The following UBE2E1 variants were observed in gnomAD, a reference collection of about 807,000 sequenced individuals.
UBE2E1 encodes ubiquitin conjugating enzyme E2 E1, also known as ubiquitin-conjugating enzyme E2 E1.
Under a neutral mutation model 21.4 loss-of-function variants are expected in UBE2E1, and 6 were observed. The observed-to-expected ratio is 0.28, with a 90% CI of 0.15 to 0.55. UBE2E1 has a LOEUF of 0.55. Among genes scored for constraint, UBE2E1 ranks in the 20% least tolerant of loss-of-function variants. The pLI, the probability that UBE2E1 is intolerant of heterozygous loss-of-function variation, is 0.93. For missense variants in UBE2E1, 142 were observed against 236.5 expected (o/e 0.60, Z 2.62); for synonymous variants, 87 against 82.7 (o/e 1.05, Z -0.28).
At chr3:23,866,284 T>C (rs17787217) in intron 3 of UBE2E1, 57,685 of 152,284 alleles carry the variant, frequency 0.38, 11,266 homozygotes, top group Middle Eastern at 0.51. Flanking sequence ...AACAAAGAAG[T>C]TGCAGAGGCC....
intron 3 of UBE2E1, chr3:23,879,388 T>C: frequency 3.7e-6 from 2 of 534,780 alleles, no homozygotes; most frequent in Admixed American, 4.2e-5. Context: ...GCAGCCTGTA[T>C]AAGACAGTTG....
At chr3:23,884,249 C>T (rs1701124932) in intron 3 of UBE2E1, among the ~76,000 whole-genome samples, 1 of 152,004 alleles carries the variant, frequency 6.6e-6, no homozygotes, top group Non-Finnish European at 1.5e-5. Context: ...AGATAGCAAT[C>T]TTAATTGGAT....
chr3:23,872,359 C>T (rs1455726990), intron 3 of UBE2E1, among the ~76,000 whole-genome samples: 1 of 142,352 alleles, frequency 7.0e-6, no homozygotes, highest in Non-Finnish European at 1.5e-5. Flanking sequence ...AGAGGGAGAC[C>T]GTGGAAAGAG....
chr3:23,817,589 AGT>A (rs1021154373), intron 3 of UBE2E1, among the ~76,000 whole-genome samples: 26 of 152,238 alleles, frequency 1.7e-4, no homozygotes, highest in African/African-American at 5.8e-4. Flanking sequence ...GTTTCAGAGG[AGT>A]GAGAGATTAC....
intron 3 of UBE2E1, among the ~76,000 whole-genome samples, chr3:23,819,577 CTT>C (rs1699602382): frequency 6.6e-6 from 1 of 152,148 alleles, no homozygotes; most frequent in African/African-American, 2.4e-5. Context: ...ATTATTATGT[CTT>C]TATATCCCTA....
chr3:23,852,691 C>A (rs541652272), intron 3 of UBE2E1, among the ~76,000 whole-genome samples: 5 of 152,126 alleles, frequency 3.3e-5, no homozygotes, highest in Non-Finnish European at 7.4e-5. Flanking sequence ...ACCTTCTGGG[C>A]TCAAGCGATC....
At chr3:23,822,847 CCCGCCA>C (rs1353798951) in intron 3 of UBE2E1, among the ~76,000 whole-genome samples, 1 of 144,744 alleles carries the variant, frequency 6.9e-6, no homozygotes, top group Non-Finnish European at 1.5e-5. Context: ...ACCCCCAACC[CCCGCCA>C]CCGCCCTTCC....
chr3:23,890,421 G>A (rs926301698), intron 5 of UBE2E1, 88 bp from the exon 6 acceptor site: 39 of 1,244,758 alleles, frequency 3.1e-5, no homozygotes, highest in African/African-American at 3.0e-4. Context: ...ATACTTTGTC[G>A]TACGTATCTA....
rs142352971 is a variant in UBE2E1, at chr3:23,832,387, G to C, written c.203+20877G>C. Among the ~76,000 whole-genome samples, 465 of 152,338 alleles carry C rather than the reference G, an allele frequency of 3.1e-3. 1 individual carries two copies. The highest frequency in any genetic ancestry group is 5.6e-3 in the Admixed American group (86 of 15,300). On this transcript the variant is annotated intron_variant, in intron 3 of 5. Transcript: ENST00000306627. ...GGGCTGGGCGCAGTGGCTCACGCCT[G>C]TAATCCCAGCACTTTGGGAGGCCGA...
intron 3 of UBE2E1, among the ~76,000 whole-genome samples, chr3:23,851,109 G>A (rs1700315766): frequency 6.6e-6 from 1 of 151,902 alleles, no homozygotes; most frequent in Non-Finnish European, 1.5e-5. Context: ...TTTGTTTGTG[G>A]CTATTCTTTT....
At chr3:23,857,179 G>T (rs1291256116) in intron 3 of UBE2E1, among the ~76,000 whole-genome samples, 1 of 152,034 alleles carries the variant, frequency 6.6e-6, no homozygotes, top group Non-Finnish European at 1.5e-5. Context: ...GCACTGAAGG[G>T]CAGGAGAAAG....
chr3:23,811,528 T>A lies in UBE2E1; in HGVS notation c.203+18T>A, dbSNP rs112311547. ...AATTGCAGGTGAGTTGCTTTTCGGA[T>A]TTTTTCCATTTTTAAAATTCTTCTA... On this transcript the variant is annotated intron_variant, in intron 3 of 5. Coordinates refer to ENST00000306627, the MANE Select transcript of UBE2E1 (RefSeq NM_003341.5). The A allele has an allele frequency of 1.2e-6, 2 of 1,612,198 alleles. No homozygotes were observed. The highest frequency in any genetic ancestry group is 1.3e-5 in the African/African-American group (1 of 74,912).
At chr3:23,845,429 C>A (rs1385497468) in intron 3 of UBE2E1, among the ~76,000 whole-genome samples, 1 of 152,034 alleles carries the variant, frequency 6.6e-6, no homozygotes, top group Admixed American at 6.6e-5. Context: ...CATGACAATT[C>A]CCTTTTTCTA....
intron 3 of UBE2E1, among the ~76,000 whole-genome samples, chr3:23,843,011 T>A: frequency 6.6e-6 from 1 of 151,804 alleles, no homozygotes; most frequent in Non-Finnish European, 1.5e-5. Flanking sequence ...ATATACTATA[T>A]ATGTTACAGT....
intron 3 of UBE2E1, among the ~76,000 whole-genome samples, chr3:23,865,503 T>A (rs1351745419): frequency 6.6e-6 from 1 of 152,150 alleles, no homozygotes; most frequent in Non-Finnish European, 1.5e-5. Flanking sequence ...GACAGGTGCA[T>A]GCCACCATGC....
intron 3 of UBE2E1, among the ~76,000 whole-genome samples, chr3:23,820,802 T>C (rs1268278226): frequency 6.6e-6 from 1 of 152,202 alleles, no homozygotes; most frequent in Non-Finnish European, 1.5e-5. Context: ...ATGATGATCA[T>C]TATCCATACT....
rs558118516 is a variant in UBE2E1 at position 23,851,919 on chromosome 3, G to A, written c.204-35648G>A. Among the ~76,000 whole-genome samples the A allele has an allele frequency of 8.5e-5, 13 of 152,328 alleles. No homozygotes were observed. The South Asian group carries it at 2.7e-3, about 32-fold the overall frequency. ...TGGTGGGAGGTGTTTGGGTCACAGGGACAGACCCTTCATGTATGGCTTGGT... is the reference window on the plus strand; with the variant it reads ...TGGTGGGAGGTGTTTGGGTCACAGGAACAGACCCTTCATGTATGGCTTGGT... On this transcript the variant is annotated intron_variant, in intron 3 of 5. Coordinates refer to ENST00000306627, the MANE Select transcript of UBE2E1 (RefSeq NM_003341.5).
chr3:23,865,112 T>C (rs1164802325), intron 3 of UBE2E1, among the ~76,000 whole-genome samples: 4 of 152,250 alleles, frequency 2.6e-5, no homozygotes, highest in Non-Finnish European at 5.9e-5. Flanking sequence ...ATAGCTTAGC[T>C]GAGCCCTCTG....
At chr3:23,814,098 A>T (rs1699459415) in intron 3 of UBE2E1, among the ~76,000 whole-genome samples, 1 of 152,112 alleles carries the variant, frequency 6.6e-6, no homozygotes, top group Non-Finnish European at 1.5e-5. Context: ...TAAATACAAA[A>T]ATTAGCCGGG....
Sources: gnomAD v4.1 joint callset for allele counts (sites outside exome capture counted in the v4.1 genomes callset) on GRCh38, gnomAD v4.1.1 for gene constraint, MANE v1.5 for transcripts, NCBI Gene and HGNC (gene_info 2026-07-23, HGNC 2026-07-21) for gene names.